ANLN: variants seen among roughly 807,000 people sequenced by gnomAD.
ANLN encodes anillin, actin binding protein.
ANLN carries 59 observed loss-of-function variants against 135.1 expected under a neutral mutation model. That is an observed-to-expected ratio of 0.44 (90% CI 0.35 to 0.54). The LOEUF (loss-of-function observed/expected upper bound fraction) is 0.54. Ranked by LOEUF, ANLN falls within the 20% of genes least tolerant of loss-of-function variation. ANLN has a pLI of 0.00. For missense variants in ANLN, 1,182 were observed against 1,340.0 expected, an observed-to-expected ratio of 0.88 and a Z score of 1.84; for synonymous variants, 406 against 456.4, an observed-to-expected ratio of 0.89 and a Z score of 1.41.
At chr7:36,444,284 C>T (rs1424570688) in intron 22 of ANLN, among the ~76,000 whole-genome samples, 1 of 136,216 alleles carries the variant, frequency 7.3e-6, no homozygotes, top group Non-Finnish European at 1.6e-5. Context: ...AGCAAGACTC[C>T]ATCTCAAAAA....
intron 22 of ANLN, chr7:36,449,073 A>G (rs1583665484): frequency 2.0e-5 from 3 of 152,230 alleles, no homozygotes; most frequent in Non-Finnish European, 4.4e-5. Flanking sequence ...TAAAAATTCT[A>G]ATAGAGTTGA....
chr7:36,447,656 T>G (rs1789069124), intron 22 of ANLN, among the ~76,000 whole-genome samples: 1 of 152,004 alleles, frequency 6.6e-6, no homozygotes, highest in Non-Finnish European at 1.5e-5. Context: ...TTGATCTCAG[T>G]TGATCCTATA....
In ANLN at chr7:36,389,972, T is replaced by C. The variant is rs759008186; in HGVS notation, c.-55T>C. On this transcript the variant is annotated 5_prime_UTR_variant, in exon 1 of 24. Coordinates refer to ENST00000265748, the MANE Select transcript of ANLN (RefSeq NM_018685.5). The stretch of plus-strand genomic sequence containing the variant: ...CACACTGAGCTGAGACTCACTTTTC[T>C]CTTCCTGAATTTGAACCACCGTTTC... 1.2e-5 allele frequency: 20 copies of C among 1,614,094 alleles called. No individual in the cohort carries two copies. In the East Asian group the frequency reaches 2.9e-4, roughly 23 times the overall value.
chr7:36,399,279 G>C lies in ANLN; in HGVS notation c.373G>C (p.Gly125Arg), dbSNP rs1458531456. ...DSVAVPASLL[G>R]MRRGLNSRLE... ...TGTTGCTGTCCCGGCATCACTGCTG[G>C]GCATGAGGAGAGGGCTGAACTCAAG... The change falls in exon 3 of 24, where the codon GGC (glycine) becomes CGC (arginine). Residue 125 changes from glycine (G) to arginine (R), a missense_variant. This residue lies in a region of ANLN where 1,022 missense variants were observed against 1,134.0 expected (regional missense o/e 0.90). Transcript: ENST00000265748. The C allele has an allele frequency of 6.2e-7, 1 of 1,614,010 alleles. No individual in the cohort carries two copies. Among genetic ancestry groups the C allele is most frequent in the Non-Finnish European group, 8.5e-7 (1 of 1,180,028 alleles).
At chr7:36,419,512 A>G in intron 10 of ANLN, 33 bp downstream of exon 10, 1 of 1,557,644 alleles carries the variant, frequency 6.4e-7, no homozygotes, top group Non-Finnish European at 8.8e-7. Context: ...GGCCCAGGAC[A>G]TAAGTAAACT....
At chr7:36,446,895 A>G (rs924658492) in intron 22 of ANLN, among the ~76,000 whole-genome samples, 4 of 152,268 alleles carry the variant, frequency 2.6e-5, no homozygotes, top group Admixed American at 2.0e-4. Flanking sequence ...CCCAATCTCA[A>G]TGACCGTAGC....
rs1786696305 is a variant in ANLN, at chr7:36,396,339, C to G, written c.92C>G (p.Pro31Arg). ...RKMAERPTAA[P>R]RSMTHAKRAR... is the part of the protein sequence containing the mutation. Reference sequence around the variant, plus strand: ...ATGGCTGAGAGGCCCACAGCAGCTCCAAGGTCTATGACTCATGCTAAGCGA... The same window carrying G: ...ATGGCTGAGAGGCCCACAGCAGCTCGAAGGTCTATGACTCATGCTAAGCGA... The change falls in exon 2 of 24, where the codon CCA becomes CGA. Residue 31 changes from proline (P) to arginine (R), a missense_variant. Coordinates refer to ENST00000265748, the MANE Select transcript of ANLN (RefSeq NM_018685.5). 1 of 1,610,390 alleles carries G rather than the reference C, an allele frequency of 6.2e-7. No individual in the cohort carries two copies. Among genetic ancestry groups the G allele is most frequent in the Non-Finnish European group, 8.5e-7 (1 of 1,177,214 alleles).
chr7:36,423,776 T>G, intron 14 of ANLN, 41 bp from the exon 15 acceptor site: 6 of 1,565,444 alleles, frequency 3.8e-6, no homozygotes, highest in Non-Finnish European at 5.2e-6. Flanking sequence ...CTAAATCTGA[T>G]TTTGCTTGTG....
chr7:36,444,937 A>T (rs1461113566), intron 22 of ANLN, among the ~76,000 whole-genome samples: 1 of 151,974 alleles, frequency 6.6e-6, no homozygotes, highest in Admixed American at 6.6e-5. Context: ...TATTTTAAAA[A>T]TTTGTGAAAT....
intron 5 of ANLN, among the ~76,000 whole-genome samples, chr7:36,409,793 C>G (rs1364921486): frequency 1.3e-5 from 2 of 152,074 alleles, no homozygotes; most frequent in African/African-American, 2.4e-5. Context: ...CCTGCCTCAG[C>G]CCACCAAGTA....
chr7:36,405,825 G>A (rs1787163548), intron 3 of ANLN, among the ~76,000 whole-genome samples: 2 of 152,108 alleles, frequency 1.3e-5, no homozygotes, highest in South Asian at 4.1e-4. Flanking sequence ...TACAGCAATG[G>A]TCTAATCCAT....
chr7:36,445,188 T>TC (rs398004390), intron 22 of ANLN, among the ~76,000 whole-genome samples: 2 of 120,860 alleles, frequency 1.7e-5, no homozygotes, highest in African/African-American at 3.0e-5. Context: ...TTTTTTTTTT[T>TC]CAGATTTTGG....
rs754576797 is a variant in ANLN at position 36,426,917 on chromosome 7, C to G, written c.2772C>G (p.Val924=). 1.8e-5 allele frequency: 29 copies of G among 1,592,500 alleles called. No homozygotes were observed. The highest frequency in any genetic ancestry group is 2.4e-5 in the Non-Finnish European group (28 of 1,171,664). The change falls in exon 20 of 24, where the codon GTC becomes GTG. Residue 924 remains valine, a splice_region_variant and synonymous_variant. Transcript: ENST00000265748. ...ITTKSNIHSS[V]MASPGGLSAV... ...ACTTAATTTCCTCGTTCTTCACAGT[C>G]ATGGCCAGTCCAGGAGGTCTTAGTG...
Position 36,410,566 on chromosome 7 carries a change from A to C in ANLN, c.1149A>C (p.Glu383Asp), listed in dbSNP as rs202034251. The C allele has an allele frequency of 6.2e-7, 1 of 1,614,096 alleles. No individual in the cohort carries two copies. Among genetic ancestry groups the C allele is most frequent in the East Asian group, 2.2e-5 (1 of 44,874 alleles). ...FLERFGERCQEHSKESPARST... is the reference protein window; with the variant it reads ...FLERFGERCQDHSKESPARST... ...AACGCTTTGGAGAGCGTTGTCAAGAACATAGCAAAGAAAGTCCAGCTCGTA... is the reference window on the plus strand; with the variant it reads ...AACGCTTTGGAGAGCGTTGTCAAGACCATAGCAAAGAAAGTCCAGCTCGTA... The change falls in exon 6 of 24, where the codon GAA (glutamate) becomes GAC (aspartate). Residue 383 changes from glutamate (E) to aspartate (D), a missense_variant. Physicochemically the swap from Glu to Asp is conservative, Grantham distance 45. Coordinates refer to ENST00000265748, the MANE Select transcript of ANLN (RefSeq NM_018685.5).
At chr7:36,449,479 AT>A in intron 22 of ANLN, 185 bp from the exon 23 acceptor site, 2 of 475,258 alleles carry the variant, frequency 4.2e-6, no homozygotes, top group East Asian at 6.9e-5. Flanking sequence ...TTTGGGTTTT[AT>A]TTTTATGTCT....
chr7:36,407,129 A>T (rs955575389), intron 4 of ANLN, among the ~76,000 whole-genome samples: 2 of 152,192 alleles, frequency 1.3e-5, no homozygotes, highest in African/African-American at 4.8e-5. Flanking sequence ...ATTGTCTTTT[A>T]GTGTAGAGCT....
rs1483145034 is a variant in ANLN, at chr7:36,428,359, A to G, written c.2883+1331A>G. 3.1e-6 allele frequency: 4 copies of G among 1,283,584 alleles called. No homozygotes were observed. The East Asian group carries it at 1.7e-4, about 54-fold the overall frequency. The allele number at this position is 1,283,584 out of a possible 1,614,324, so 79.5% of individuals were successfully genotyped here. ...CTACTGGGCTATTTGTTCCAGGAAA[A>G]GGTTGCCATTATTTTCTTTGCTTGA... On this transcript the variant is annotated intron_variant, in intron 20 of 23. Transcript: ENST00000265748.
At chr7:36,448,925 T>C (rs1215236150) in intron 22 of ANLN, 8 of 152,226 alleles carry the variant, frequency 5.3e-5, no homozygotes, top group Admixed American at 5.2e-4. Context: ...CTACGAGTAA[T>C]AGATCATATT....
chr7:36,443,942 C>G (rs1449866360), intron 22 of ANLN, 80 bp downstream of exon 22: 1 of 935,864 alleles, frequency 1.1e-6, no homozygotes, highest in African/African-American at 1.7e-5. Context: ...CCCTCTGGCC[C>G]CCATCACTCA....
Sources: allele counts gnomAD v4.1 joint callset (sites outside exome capture counted in the v4.1 genomes callset), GRCh38; gene constraint gnomAD v4.1.1; regional missense constraint gnomAD v4.1.1; transcripts MANE v1.5; gene names NCBI Gene and HGNC (gene_info 2026-07-23, HGNC 2026-07-21).